The following BCL11B variants were observed in gnomAD, a reference collection of about 807,000 sequenced individuals.
The protein encoded by BCL11B is B-cell lymphoma/leukemia 11B.
Under a neutral mutation model 49.9 loss-of-function variants are expected in BCL11B, and 8 were observed. The ratio of observed to expected loss-of-function variants is 0.16; its 90% CI spans 0.09 to 0.29. BCL11B has a LOEUF of 0.29. Among genes scored for constraint, BCL11B ranks in the 10% least tolerant of loss-of-function variants. The pLI is 1.00. For synonymous variants in BCL11B, 739 were observed against 637.4 expected, an observed-to-expected ratio of 1.16 and a Z score of -2.40; for missense variants, 1,006 against 1,351.0, an observed-to-expected ratio of 0.74 and a Z score of 4.00.
At chr14:99,214,695 C>T (rs1406125434) in intron 3 of BCL11B, among the ~76,000 whole-genome samples, 1 of 151,610 alleles carries the variant, frequency 6.6e-6, no homozygotes, top group Non-Finnish European at 1.5e-5. Context: ...AATAAATAAA[C>T]AGGATGAGCA....
intron 2 of BCL11B, among the ~76,000 whole-genome samples, chr14:99,254,629 C>T (rs1035862722): frequency 2.0e-5 from 3 of 152,236 alleles, no homozygotes; most frequent in Non-Finnish European, 4.4e-5. Context: ...TCACCAGCTA[C>T]TGGCCGGGGC....
chr14:99,258,878 G>A (rs757804147), intron 1 of BCL11B, among the ~76,000 whole-genome samples: 11 of 143,802 alleles, frequency 7.6e-5, no homozygotes, highest in South Asian at 2.6e-4. Flanking sequence ...TTTAGCAGCC[G>A]ATAGATTTCT....
rs895619106 is a variant in BCL11B, at chr14:99,271,314, T to TGCCGCCGCTGCCGCCGCC, written c.-97_-96insGGCGGCGGCAGCGGCGGC. Reference sequence around the variant, plus strand: ...GCCGCCGCCGCGCCGCTGCCGCCGCTGCCGCCGCCGCCGCCGCCGCCGCAC... The same window carrying TGCCGCCGCTGCCGCCGCC: ...GCCGCCGCCGCGCCGCTGCCGCCGCTGCCGCCGCTGCCGCCGCCGCCGCCGCCGCCGCCGCCGCCGCAC... On this transcript the variant is annotated 5_prime_UTR_variant, in exon 1 of 4. Transcript: ENST00000357195. 1.5e-5 allele frequency: 13 copies of TGCCGCCGCTGCCGCCGCC among 849,270 alleles called. No homozygotes were observed. Among genetic ancestry groups the TGCCGCCGCTGCCGCCGCC allele is most frequent in the South Asian group, 5.2e-5 (1 of 19,324 alleles). The allele number at this position is 849,270 out of a possible 1,614,324, so 52.6% of individuals were successfully genotyped here.
In BCL11B at chr14:99,256,418, C is replaced by T. The variant is rs147312335; in HGVS notation, c.427+1053G>A. ...GTTGACAGATGGGGAAACTGAGGCT[C>T]GGACCCATGAAGTGGCTAATCCAAA... On this transcript the variant is annotated intron_variant, in intron 2 of 3. Transcript: ENST00000357195. 5.7e-4 allele frequency among the ~76,000 whole-genome samples: 87 copies of T among 152,252 alleles called. 1 individual carries two copies. The highest frequency in any genetic ancestry group is 1.9e-3 in the African/African-American group (80 of 41,534).
At position 99,271,657 on chromosome 14, in the gene BCL11B, T is replaced by A. The variant is rs2139987702; in HGVS notation, c.-439A>T. 1 of 197,690 alleles carries A rather than the reference T, an allele frequency of 5.1e-6. No homozygotes were observed. Among genetic ancestry groups the A allele is most frequent in the South Asian group, 1.9e-4 (1 of 5,256 alleles). 12.2% of individuals were successfully genotyped at this position (197,690 alleles called of 1,614,324 possible). ...TGCAAATGTCTTCTTGAACTTAAAC[T>A]GGGTTTTGCACCGGCTCCTGACACT... On this transcript the variant is annotated 5_prime_UTR_variant, in exon 1 of 4. Coordinates refer to ENST00000357195, the MANE Select transcript of BCL11B (RefSeq NM_138576.4).
chr14:99,197,534 T>C (rs747020316), intron 3 of BCL11B, among the ~76,000 whole-genome samples: 9 of 152,152 alleles, frequency 5.9e-5, no homozygotes, highest in African/African-American at 9.7e-5. Context: ...ATTCATTCCT[T>C]TGGGTGTCAG....
intron 3 of BCL11B, among the ~76,000 whole-genome samples, chr14:99,219,330 G>C (rs765004243): frequency 6.6e-6 from 1 of 152,100 alleles, no homozygotes; most frequent in Non-Finnish European, 1.5e-5. Flanking sequence ...CACCGCACCC[G>C]ACCACAGAAT....
At chr14:99,239,292 G>A (rs2139910846) in intron 2 of BCL11B, among the ~76,000 whole-genome samples, 1 of 152,322 alleles carries the variant, frequency 6.6e-6, no homozygotes, top group South Asian at 2.1e-4. Flanking sequence ...TGCGTCCAGA[G>A]CCACAAACAG....
intron 3 of BCL11B, among the ~76,000 whole-genome samples, chr14:99,220,349 T>C (rs1244639900): frequency 6.6e-6 from 1 of 152,126 alleles, no homozygotes. Flanking sequence ...TGTCCATCAA[T>C]GGATGGGTGG....
Position 99,172,131 on chromosome 14 carries a change from G to C in BCL11B, c.*2020C>G, listed in dbSNP as rs759671911. The stretch of plus-strand genomic sequence containing the variant: ...ACTGTAAACGTATTTTTAAGACAGA[G>C]TGCACTAAATTTAACTTTAGAAAAA... On this transcript the variant is annotated 3_prime_UTR_variant, in exon 4 of 4. Coordinates refer to ENST00000357195, the MANE Select transcript of BCL11B (RefSeq NM_138576.4). The C allele has an allele frequency of 4.5e-6, 1 of 221,002 alleles. No homozygotes were observed. Among genetic ancestry groups the C allele is most frequent in the Non-Finnish European group, 9.1e-6 (1 of 110,328 alleles). 13.7% of individuals were successfully genotyped at this position (221,002 alleles called of 1,614,324 possible).
At chr14:99,269,875 TAAAAAAAAAAAAAAAAAAAAA>T (rs56659919) in intron 1 of BCL11B, among the ~76,000 whole-genome samples, 5 of 41,232 alleles carry the variant, frequency 1.2e-4, no homozygotes, top group Admixed American at 4.0e-4. Context: ...CTATTGCAGT[TAAAAAAAAAAAAAAAAAAAAA>T]AAAAAAAAAA....
At chr14:99,217,494 T>C (rs1566814890) in intron 3 of BCL11B, among the ~76,000 whole-genome samples, 1 of 151,986 alleles carries the variant, frequency 6.6e-6, no homozygotes. Flanking sequence ...GAAAATTACA[T>C]GAGGCAATGT....
Position 99,241,337 on chromosome 14 carries a change from A to T in BCL11B, c.428-9780T>A, listed in dbSNP as rs1421021025. Among the ~76,000 whole-genome samples, 2 of 152,050 alleles carry T rather than the reference A, an allele frequency of 1.3e-5. No individual in the cohort carries two copies. The highest frequency in any genetic ancestry group is 6.5e-5 in the Admixed American group (1 of 15,272). On this transcript the variant is annotated intron_variant, in intron 2 of 3. Coordinates refer to ENST00000357195, the MANE Select transcript of BCL11B (RefSeq NM_138576.4). This position sits in a 1 kb window ranked among gnomAD's most constrained non-coding sequence, Gnocchi z 4.4. ...CCGGGGCCACTCTTACACATAAACA[A>T]TCATAGTGTAGCCAGGATCCCAACG... is the stretch of plus-strand genomic sequence containing the variant.
intron 2 of BCL11B, among the ~76,000 whole-genome samples, chr14:99,246,131 G>A (rs1026655881): frequency 7.3e-5 from 11 of 151,354 alleles, no homozygotes; most frequent in African/African-American, 2.7e-4. Context: ...CTAGCCCTTC[G>A]ACTCGCCCAC....
intron 2 of BCL11B, among the ~76,000 whole-genome samples, chr14:99,234,850 A>G (rs1888442928): frequency 9.1e-6 from 1 of 109,714 alleles, no homozygotes; most frequent in East Asian, 2.5e-4. Context: ...TTGGAGGTCT[A>G]TGCACAAAAA....
At chr14:99,235,415 C>A (rs1328465781) in intron 2 of BCL11B, among the ~76,000 whole-genome samples, 3 of 152,240 alleles carry the variant, frequency 2.0e-5, no homozygotes, top group Non-Finnish European at 4.4e-5. Context: ...GTCCCCGCGC[C>A]CCCTCCCCCC....
intron 3 of BCL11B, among the ~76,000 whole-genome samples, chr14:99,179,644 G>A (rs1001644801): frequency 6.6e-6 from 1 of 152,040 alleles, no homozygotes; most frequent in Non-Finnish European, 1.5e-5. Context: ...ACCCGTGTCC[G>A]GGAACCGCTT....
At chr14:99,251,241 G>A (rs1206005241) in intron 2 of BCL11B, among the ~76,000 whole-genome samples, 1 of 152,244 alleles carries the variant, frequency 6.6e-6, no homozygotes, top group Non-Finnish European at 1.5e-5. Flanking sequence ...GAAGGGAAGA[G>A]TTGGCAGCAA....
chr14:99,211,303 G>A (rs1219182871), intron 3 of BCL11B, among the ~76,000 whole-genome samples: 1 of 152,198 alleles, frequency 6.6e-6, no homozygotes, highest in African/African-American at 2.4e-5. Context: ...GGGCAACCAG[G>A]GGAGTAAAGG....
Sources: gnomAD v4.1 joint callset for allele counts (sites outside exome capture counted in the v4.1 genomes callset) on GRCh38, gnomAD v4.1.1 for gene constraint, Gnocchi (gnomAD v3.1) non-coding constraint, MANE v1.5 for transcripts, NCBI Gene and HGNC (gene_info 2026-07-23, HGNC 2026-07-21) for gene names.